COL4A1: variants seen among roughly 807,000 people sequenced by gnomAD.
The protein encoded by COL4A1 is collagen alpha-1(IV) chain.
In COL4A1, 40 loss-of-function variants were observed where a neutral mutation model predicts 216.6. The observed-to-expected ratio is 0.18, with a 90% CI of 0.14 to 0.24. The LOEUF (loss-of-function observed/expected upper bound fraction) is 0.24. Among genes scored for constraint, COL4A1 ranks in the 10% least tolerant of loss-of-function variants. COL4A1 has a pLI of 1.00. For synonymous variants in COL4A1, 839 were observed against 810.7 expected, an observed-to-expected ratio of 1.03 and a Z score of -0.59; for missense variants, 1,628 against 2,196.8, an observed-to-expected ratio of 0.74 and a Z score of 5.18.
Position 110,194,955 on chromosome 13 carries a change from G to C in COL4A1, c.1381+68C>G, listed in dbSNP as rs57652802. On this transcript the variant is annotated intron_variant, in intron 22 of 51. Transcript: ENST00000375820. Reference sequence around the variant, plus strand: ...CCACCCCCACTTGGCTCCAAAGCCGGTAAGTATGTGGGAAAAAATCATACG... The same window carrying C: ...CCACCCCCACTTGGCTCCAAAGCCGCTAAGTATGTGGGAAAAAATCATACG... 18,351 of 1,421,982 alleles carry C rather than the reference G, an allele frequency of 0.013. 1,434 individuals carry two copies. The African/African-American group carries it at 0.2, about 15-fold the overall frequency. 88.1% of individuals were successfully genotyped at this position (1,421,982 alleles called of 1,614,324 possible). A position where few individuals can be genotyped will look rare whatever the true frequency, so the allele number is the denominator to read the frequency against.
intron 1 of COL4A1, chr13:110,265,484 T>C (rs1443315360): frequency 6.6e-6 from 1 of 152,148 alleles, no homozygotes. Context: ...AGACGACACA[T>C]GTGCTTTCAC....
At chr13:110,186,140 A>G (rs1041178379) in intron 26 of COL4A1, among the ~76,000 whole-genome samples, 7 of 152,176 alleles carry the variant, frequency 4.6e-5, no homozygotes, top group African/African-American at 1.7e-4. Flanking sequence ...CGTGCTGTGT[A>G]CTTACTTATG....
intron 2 of COL4A1, among the ~76,000 whole-genome samples, chr13:110,214,318 G>A (rs1425442422): frequency 2.6e-5 from 4 of 152,132 alleles, no homozygotes; most frequent in East Asian, 3.9e-4. Flanking sequence ...TCGAACTTCT[G>A]ATCTCAGGTG....
At chr13:110,252,527 TATAC>T (rs1304674314) in intron 1 of COL4A1, among the ~76,000 whole-genome samples, 114 of 5,694 alleles carry the variant, frequency 0.02, 55 homozygotes, top group Non-Finnish European at 0.17. Context: ...TACGTATAAT[TATAC>T]GTATATATGT....
chr13:110,181,137 T>C (rs897285942), intron 29 of COL4A1, among the ~76,000 whole-genome samples, 155 bp downstream of exon 29: 8 of 152,256 alleles, frequency 5.3e-5, no homozygotes, highest in East Asian at 1.9e-4. Flanking sequence ...TTCCATGTGC[T>C]ACGTTCTCTG....
At chr13:110,282,906 C>T (rs558406215) in intron 1 of COL4A1, among the ~76,000 whole-genome samples, 1 of 152,214 alleles carries the variant, frequency 6.6e-6, no homozygotes, top group African/African-American at 2.4e-5. Flanking sequence ...TCGTGGCCAT[C>T]GGAACATTGC....
At position 110,252,593 on chromosome 13, in the gene COL4A1, TAC is replaced by T. The variant is rs1266350331; in HGVS notation, c.85-9861_85-9860del. Among the ~76,000 whole-genome samples the T allele has an allele frequency of 2.3e-3, 103 of 45,444 alleles. 48 individuals carry two copies. Among genetic ancestry groups the T allele is most frequent in the Admixed American group, 5.4e-3 (18 of 3,346 alleles). 29.8% of individuals were successfully genotyped at this position (45,444 alleles called of 152,430 possible). A position where few individuals can be genotyped will look rare whatever the true frequency, so the allele number is the denominator to read the frequency against. ...TATATGTATTATATACGTATAATTA[TAC>T]GTATATATGTATTATATATGTATAA... is the stretch of plus-strand genomic sequence containing the variant. On this transcript the variant is annotated intron_variant, in intron 1 of 51. Transcript: ENST00000375820.
chr13:110,274,085 T>C lies in COL4A1; in HGVS notation c.85-31351A>G, dbSNP rs531567903. On this transcript the variant is annotated intron_variant, in intron 1 of 51. Transcript: ENST00000375820. Reference sequence around the variant, plus strand: ...TTGATAAATATTTATTAAATGCCTATAAAAGATAAAATGTGCTAAGTACTA... The same window carrying C: ...TTGATAAATATTTATTAAATGCCTACAAAAGATAAAATGTGCTAAGTACTA... Among the ~76,000 whole-genome samples, 4 of 152,274 alleles carry C rather than the reference T, an allele frequency of 2.6e-5. No individual in the cohort carries two copies. In the South Asian group the frequency reaches 8.3e-4, roughly 32 times the overall value.
At chr13:110,232,221 A>G (rs1236852186) in intron 2 of COL4A1, among the ~76,000 whole-genome samples, 3 of 152,236 alleles carry the variant, frequency 2.0e-5, no homozygotes, top group Non-Finnish European at 4.4e-5. Context: ...TACCATGTTT[A>G]ATGGATTTGC....
At chr13:110,286,109 G>A (rs1003167621) in intron 1 of COL4A1, among the ~76,000 whole-genome samples, 7 of 152,164 alleles carry the variant, frequency 4.6e-5, no homozygotes, top group Admixed American at 2.0e-4. Flanking sequence ...GACTGGATAC[G>A]GGAATGCCCT....
At position 110,252,834 on chromosome 13, in the gene COL4A1, T is replaced by C. The variant is rs1263877899; in HGVS notation, c.85-10100A>G. Among the ~76,000 whole-genome samples the C allele has an allele frequency of 7.4e-5, 10 of 135,026 alleles. No homozygotes were observed. In the East Asian group the frequency reaches 2.2e-3, roughly 30 times the overall value. The allele number at this position is 135,026 out of a possible 152,430, so 88.6% of individuals were successfully genotyped here. On this transcript the variant is annotated intron_variant, in intron 1 of 51. Coordinates refer to ENST00000375820, the MANE Select transcript of COL4A1 (RefSeq NM_001845.6). ...TAACTATAAGTACGTATGTATTACATATACAGATAACTATAAGTACGTATG... is the reference window on the plus strand; with the variant it reads ...TAACTATAAGTACGTATGTATTACACATACAGATAACTATAAGTACGTATG...
intron 45 of COL4A1, among the ~76,000 whole-genome samples, chr13:110,165,742 G>C (rs1345041431): frequency 6.6e-6 from 1 of 152,172 alleles, no homozygotes; most frequent in Non-Finnish European, 1.5e-5. Flanking sequence ...GATGAATACT[G>C]TGCTTAAACC....
chr13:110,252,586 ATAAT>A (rs1447211583), intron 1 of COL4A1, among the ~76,000 whole-genome samples: 1 of 80,062 alleles, frequency 1.2e-5, no homozygotes, highest in African/African-American at 4.3e-5. Context: ...TTATATACGT[ATAAT>A]TATACGTATA....
intron 2 of COL4A1, among the ~76,000 whole-genome samples, chr13:110,229,424 T>C (rs900120205): frequency 6.6e-6 from 1 of 152,180 alleles, no homozygotes; most frequent in Non-Finnish European, 1.5e-5. Flanking sequence ...TTTTTTCACA[T>C]TGAGAAATTT....
intron 2 of COL4A1, among the ~76,000 whole-genome samples, chr13:110,219,179 G>C (rs2139214009): frequency 6.6e-6 from 1 of 152,306 alleles, no homozygotes; most frequent in Non-Finnish European, 1.5e-5. Flanking sequence ...TGCCACCACA[G>C]TTTGAGGGGG....
intron 46 of COL4A1, 53 bp from the exon 47 acceptor site, chr13:110,163,614 C>G (rs1416167680): frequency 6.8e-7 from 1 of 1,475,026 alleles, no homozygotes; most frequent in Non-Finnish European, 9.4e-7. Flanking sequence ...AGCTGTATCT[C>G]TTTCTTCCCT....
intron 1 of COL4A1, among the ~76,000 whole-genome samples, chr13:110,267,159 G>C (rs953091730): frequency 6.6e-6 from 1 of 152,142 alleles, no homozygotes; most frequent in Non-Finnish European, 1.5e-5. Context: ...ACTGGAGAAA[G>C]GATTTCCGGT....
chr13:110,210,525 T>C (rs1249200786), intron 8 of COL4A1, among the ~76,000 whole-genome samples: 1 of 152,100 alleles, frequency 6.6e-6, no homozygotes, highest in Non-Finnish European at 1.5e-5. Flanking sequence ...TTGTCTCTGG[T>C]TGAAAGACTA....
intron 36 of COL4A1, among the ~76,000 whole-genome samples, chr13:110,175,603 C>T (rs149073537): frequency 6.6e-6 from 1 of 152,332 alleles, no homozygotes; most frequent in South Asian, 2.1e-4. Context: ...TTAAGACCAT[C>T]ATGTTATAAG....
Sources: allele counts gnomAD v4.1 joint callset (sites outside exome capture counted in the v4.1 genomes callset), GRCh38; gene constraint gnomAD v4.1.1; transcripts MANE v1.5; gene names NCBI Gene and HGNC (gene_info 2026-07-23, HGNC 2026-07-21).